The following USP12 variants were observed in gnomAD, a reference collection of about 807,000 sequenced individuals.
USP12 encodes ubiquitin carboxyl-terminal hydrolase 12.
Under a neutral mutation model 45.5 loss-of-function variants are expected in USP12, and 19 were observed. The observed-to-expected ratio is 0.42, with a 90% CI of 0.29 to 0.61. The LOEUF (loss-of-function observed/expected upper bound fraction) is 0.61, where lower values mean the gene tolerates loss of function less well. USP12 is among the 20% of genes least tolerant of loss of function. The pLI is 0.22. For synonymous variants in USP12, 149 were observed against 148.8 expected, an observed-to-expected ratio of 1.00 and a Z score of -0.01; for missense variants, 242 against 447.7, an observed-to-expected ratio of 0.54 and a Z score of 4.15.
chr13:27,131,482 C>G (rs1876498538), intron 1 of USP12, among the ~76,000 whole-genome samples: 1 of 152,156 alleles, frequency 6.6e-6, no homozygotes, highest in Non-Finnish European at 1.5e-5. Flanking sequence ...TTGGATTTTT[C>G]TAAGTAATCA....
At chr13:27,145,358 C>T (rs1365593124) in intron 1 of USP12, among the ~76,000 whole-genome samples, 1 of 152,128 alleles carries the variant, frequency 6.6e-6, no homozygotes, top group Non-Finnish European at 1.5e-5. Context: ...ACCCATTTGG[C>T]CAAGAAATTA....
intron 2 of USP12, among the ~76,000 whole-genome samples, chr13:27,114,770 A>T (rs5802411): frequency 0.2 from 13,168 of 66,576 alleles, 1,565 homozygotes; most frequent in East Asian, 0.57. Context: ...CTCCATTTTT[A>T]AAAAAAAAAA....
intron 1 of USP12, among the ~76,000 whole-genome samples, chr13:27,164,487 C>T (rs1467151540): frequency 6.6e-6 from 1 of 152,202 alleles, no homozygotes; most frequent in East Asian, 1.9e-4. Flanking sequence ...ACAGAGAGGG[C>T]TATACCACCT....
intron 6 of USP12, among the ~76,000 whole-genome samples, chr13:27,085,623 T>G (rs1379064695): frequency 6.6e-6 from 1 of 152,026 alleles, no homozygotes; most frequent in East Asian, 1.9e-4. Context: ...AATGAATTGC[T>G]CAATATCACA....
At chr13:27,115,542 A>T (rs2497960) in intron 2 of USP12, among the ~76,000 whole-genome samples, 1 of 152,134 alleles carries the variant, frequency 6.6e-6, no homozygotes, top group Non-Finnish European at 1.5e-5. Context: ...CAATATATGC[A>T]TTTTAAAACA....
At chr13:27,127,105 CTA>C (rs1397992677) in intron 1 of USP12, among the ~76,000 whole-genome samples, 2 of 152,160 alleles carry the variant, frequency 1.3e-5, no homozygotes, top group Non-Finnish European at 2.9e-5. Flanking sequence ...GTGGCCTCCT[CTA>C]TGTTAAAACA....
chr13:27,158,892 A>C (rs1051768846), intron 1 of USP12, among the ~76,000 whole-genome samples: 3 of 152,172 alleles, frequency 2.0e-5, no homozygotes, highest in African/African-American at 7.2e-5. Context: ...AAAAATATAC[A>C]CTGTTAGGTG....
chr13:27,171,234 G>C lies in USP12; in HGVS notation c.48+358C>G, dbSNP rs1238392617. On this transcript the variant is annotated intron_variant, in intron 1 of 8. Transcript: ENST00000282344. ...CCCACCCCTCACCCCGGCACAGGCCGGGCGCGCCTCGGCCCTCGTCCCCGC... is the reference window on the plus strand; with the variant it reads ...CCCACCCCTCACCCCGGCACAGGCCCGGCGCGCCTCGGCCCTCGTCCCCGC... Among the ~76,000 whole-genome samples, 10 of 150,042 alleles carry C rather than the reference G, an allele frequency of 6.7e-5. No homozygotes were observed. In the East Asian group the frequency reaches 2.0e-3, roughly 30 times the overall value.
At chr13:27,159,034 T>G (rs1877978629) in intron 1 of USP12, among the ~76,000 whole-genome samples, 1 of 152,220 alleles carries the variant, frequency 6.6e-6, no homozygotes. Flanking sequence ...TTTCTAGCAA[T>G]TACTTCTTGG....
intron 2 of USP12, among the ~76,000 whole-genome samples, chr13:27,109,287 T>C (rs1008236502): frequency 2.0e-5 from 3 of 152,350 alleles, no homozygotes; most frequent in East Asian, 1.9e-4. Flanking sequence ...GATTTCAGCA[T>C]TGCTCAAGTG....
chr13:27,146,921 G>T (rs1877333268), intron 1 of USP12, among the ~76,000 whole-genome samples: 1 of 152,116 alleles, frequency 6.6e-6, no homozygotes. Flanking sequence ...GGGAAATTTG[G>T]ACACAGACAC....
chr13:27,155,728 TATTA>T (rs1877803852), intron 1 of USP12, among the ~76,000 whole-genome samples: 1 of 152,222 alleles, frequency 6.6e-6, no homozygotes. Flanking sequence ...AGTTAAATCT[TATTA>T]ATTATAGTTC....
chr13:27,114,140 C>T (rs1220406936), intron 2 of USP12, among the ~76,000 whole-genome samples: 4 of 152,024 alleles, frequency 2.6e-5, no homozygotes, highest in Non-Finnish European at 4.4e-5. Context: ...AATGGACTTA[C>T]TGAGGCCAGG....
intron 1 of USP12, among the ~76,000 whole-genome samples, chr13:27,171,202 G>A (rs1288605266): frequency 6.7e-6 from 1 of 149,818 alleles, no homozygotes; most frequent in African/African-American, 2.5e-5. Context: ...GCTCTGGCTC[G>A]CGCGCGCCCA....
chr13:27,080,967 T>C (rs1873728403), intron 6 of USP12, among the ~76,000 whole-genome samples: 1 of 151,960 alleles, frequency 6.6e-6, no homozygotes, highest in African/African-American at 2.4e-5. Context: ...GACTGCTGAC[T>C]GATCAGGATG....
intron 1 of USP12, among the ~76,000 whole-genome samples, chr13:27,133,501 A>C (rs1425143779): frequency 6.6e-6 from 1 of 152,064 alleles, no homozygotes; most frequent in Non-Finnish European, 1.5e-5. Context: ...GGTGGCGGGC[A>C]CCTGCAGTCC....
chr13:27,138,253 C>T (rs1876897896), intron 1 of USP12, among the ~76,000 whole-genome samples: 1 of 152,258 alleles, frequency 6.6e-6, no homozygotes, highest in Non-Finnish European at 1.5e-5. Flanking sequence ...ATATGGCAAA[C>T]ATACTCCGAA....
chr13:27,129,761 G>T lies in USP12; in HGVS notation c.49-13165C>A, dbSNP rs890443763. On this transcript the variant is annotated intron_variant, in intron 1 of 8. Coordinates refer to ENST00000282344, the MANE Select transcript of USP12 (RefSeq NM_182488.4). This position sits in a 1 kb window ranked among gnomAD's most constrained non-coding sequence, Gnocchi z 4.0. ...AAGGATGTTAGAGAAATGCTGCAAA[G>T]AACTTTATTCCATTAATGTAGTTTC... 6.6e-6 allele frequency among the ~76,000 whole-genome samples: 1 copy of T among 152,126 alleles called. No homozygotes were observed. The highest frequency in any genetic ancestry group is 1.5e-5 in the Non-Finnish European group (1 of 68,014).
intron 1 of USP12, among the ~76,000 whole-genome samples, chr13:27,125,227 T>A (rs568372477): frequency 6.6e-6 from 1 of 152,344 alleles, no homozygotes; most frequent in South Asian, 2.1e-4. Context: ...TGAAATTTTT[T>A]AAATTTTATA....
Sources: allele counts gnomAD v4.1 joint callset (sites outside exome capture counted in the v4.1 genomes callset), GRCh38; gene constraint gnomAD v4.1.1; non-coding constraint Gnocchi (gnomAD v3.1); transcripts MANE v1.5; gene names NCBI Gene and HGNC (gene_info 2026-07-23, HGNC 2026-07-21).